ADTRP: variants seen among roughly 807,000 people sequenced by gnomAD.
ADTRP encodes androgen dependent TFPI regulating protein.
Under a neutral mutation model 27.0 loss-of-function variants are expected in ADTRP, and 20 were observed. The ratio of observed to expected loss-of-function variants is 0.74; its 90% CI spans 0.52 to 1.08. ADTRP has a LOEUF of 1.08. ADTRP is among the 50% of genes least tolerant of loss of function. The probability of loss-of-function intolerance (pLI) is 0.00; values close to 1 mark genes in which losing one functional copy is unlikely to be tolerated. For synonymous variants in ADTRP, 101 were observed against 105.2 expected, an observed-to-expected ratio of 0.96 and a Z score of 0.25; for missense variants, 251 against 275.0, an observed-to-expected ratio of 0.91 and a Z score of 0.62.
intron 3 of ADTRP, among the ~76,000 whole-genome samples, chr6:11,743,561 G>C (rs1035949651): frequency 3.3e-5 from 5 of 152,094 alleles, no homozygotes; most frequent in Non-Finnish European, 5.9e-5. Flanking sequence ...CCCTTTCTTG[G>C]CAGAACTGAA....
At chr6:11,738,496 A>G (rs1298883662) in intron 3 of ADTRP, 1 of 152,226 alleles carries the variant, frequency 6.6e-6, no homozygotes, top group African/African-American at 2.4e-5. Flanking sequence ...AGCCAGGAAG[A>G]TCCAACCTCT....
Position 11,732,195 on chromosome 6 carries a change from G to A in ADTRP, c.506+3373C>T, listed in dbSNP as rs563359977. ...TAAAAGCAACCACCACATGTAAGGC[G>A]GTCCCCACGGTCTCAGGAACTATTT... is the stretch of plus-strand genomic sequence containing the variant. On this transcript the variant is annotated intron_variant, in intron 4 of 5. Coordinates refer to ENST00000414691, the MANE Select transcript of ADTRP (RefSeq NM_032744.4). 1.1e-4 allele frequency among the ~76,000 whole-genome samples: 16 copies of A among 152,260 alleles called. No individual in the cohort carries two copies. In the South Asian group the frequency reaches 2.1e-3, roughly 20 times the overall value.
At chr6:11,735,024 C>A (rs537692381) in intron 4 of ADTRP, among the ~76,000 whole-genome samples, 1 of 75,420 alleles carries the variant, frequency 1.3e-5, no homozygotes, top group Non-Finnish European at 4.6e-5. Context: ...ATGAGTATTG[C>A]CAGGTGGTTG....
intron 3 of ADTRP, among the ~76,000 whole-genome samples, chr6:11,746,082 G>A (rs1006257607): frequency 3.3e-5 from 5 of 152,108 alleles, no homozygotes; most frequent in African/African-American, 7.2e-5. Context: ...GAGCCACCCC[G>A]CCCGTCCATG....
At chr6:11,746,266 C>G (rs1232120249) in intron 3 of ADTRP, among the ~76,000 whole-genome samples, 2 of 152,178 alleles carry the variant, frequency 1.3e-5, no homozygotes, top group Non-Finnish European at 2.9e-5. Flanking sequence ...ATGGACATCA[C>G]TGGGTTAAGT....
chr6:11,776,373 C>T (rs545700845), intron 1 of ADTRP, among the ~76,000 whole-genome samples: 2 of 152,248 alleles, frequency 1.3e-5, no homozygotes, highest in Non-Finnish European at 2.9e-5. Context: ...AGCCACTGTG[C>T]TGAATTCAAG....
At chr6:11,757,805 T>C (rs917689918) in intron 3 of ADTRP, among the ~76,000 whole-genome samples, 94 of 152,224 alleles carry the variant, frequency 6.2e-4, no homozygotes, top group Admixed American at 6.1e-3. Flanking sequence ...GAGTAGATTC[T>C]CATCTGGAGC....
intron 3 of ADTRP, among the ~76,000 whole-genome samples, chr6:11,747,525 C>T (rs1168562963): frequency 6.6e-6 from 1 of 152,146 alleles, no homozygotes; most frequent in Non-Finnish European, 1.5e-5. Context: ...TTTATTCTGC[C>T]CTCAACATAA....
At chr6:11,757,350 T>G (rs1043386675) in intron 3 of ADTRP, among the ~76,000 whole-genome samples, 1 of 152,200 alleles carries the variant, frequency 6.6e-6, no homozygotes, top group Admixed American at 6.5e-5. Context: ...GTTCAAAACC[T>G]TCTATCAATC....
In ADTRP at chr6:11,723,476, C is replaced by G; in HGVS notation, c.531G>C (p.Thr177=). The change falls in exon 5 of 6, where the codon ACG becomes ACC. Residue 177 remains threonine, a synonymous_variant. Transcript: ENST00000414691. ...ISRILWLYFE[T]GTWVYPVFAK... ...CAAACACAGGATACACCCAGGTACC[C>G]GTCTCAAAGTAGAGCCATAGGATGC... The G allele has an allele frequency of 6.2e-7, 1 of 1,614,002 alleles. No individual in the cohort carries two copies. Among genetic ancestry groups the G allele is most frequent in the African/African-American group, 1.3e-5 (1 of 74,976 alleles).
intron 3 of ADTRP, among the ~76,000 whole-genome samples, chr6:11,745,385 G>A: frequency 6.6e-6 from 1 of 152,090 alleles, no homozygotes; most frequent in South Asian, 2.1e-4. Flanking sequence ...TATAAGATAT[G>A]GTCTTTGAAC....
rs147073147 is a variant in ADTRP, at chr6:11,751,684, G to A, written c.390+14590C>T. On this transcript the variant is annotated intron_variant, in intron 3 of 5. Coordinates refer to ENST00000414691, the MANE Select transcript of ADTRP (RefSeq NM_032744.4). ...CATTGCTTTTAGTATCCAAACCTCC[G>A]TTCTGAGATCCTATTTCTTCTTTCT... Among the ~76,000 whole-genome samples the A allele has an allele frequency of 1.5e-3, 226 of 152,178 alleles. 2 individuals carry two copies. Among genetic ancestry groups the A allele is most frequent in the African/African-American group, 5.0e-3 (207 of 41,510 alleles).
rs763701713 is a variant in ADTRP, at chr6:11,717,291, A to G, written c.659-2779T>C. On this transcript the variant is annotated intron_variant, in intron 5 of 5. Transcript: ENST00000414691. ...AGTAGCAAGGGCTAGAAATATTTTT[A>G]TAGCCCTGATATTTCACCTGATATT... is the stretch of plus-strand genomic sequence containing the variant. 6.1e-6 allele frequency: 8 copies of G among 1,303,544 alleles called. No homozygotes were observed. In the South Asian group the frequency reaches 8.7e-5, roughly 14 times the overall value. The allele number at this position is 1,303,544 out of a possible 1,614,324, so 80.7% of individuals were successfully genotyped here.
chr6:11,737,887 C>T (rs1762598913), intron 3 of ADTRP, among the ~76,000 whole-genome samples: 1 of 152,224 alleles, frequency 6.6e-6, no homozygotes, highest in African/African-American at 2.4e-5. Context: ...CATATTTCTT[C>T]AGTCTGATTT....
At chr6:11,746,075 C>A (rs1270842598) in intron 3 of ADTRP, among the ~76,000 whole-genome samples, 1 of 152,168 alleles carries the variant, frequency 6.6e-6, no homozygotes, top group Non-Finnish European at 1.5e-5. Flanking sequence ...TAGGCATGAG[C>A]CACCCCGCCC....
chr6:11,753,369 G>C (rs1364041031), intron 3 of ADTRP, among the ~76,000 whole-genome samples: 2 of 152,078 alleles, frequency 1.3e-5, no homozygotes, highest in African/African-American at 2.4e-5. Context: ...AAGATGATTA[G>C]GTTATATGCA....
chr6:11,744,376 A>G (rs1762804104), intron 3 of ADTRP, among the ~76,000 whole-genome samples: 1 of 152,204 alleles, frequency 6.6e-6, no homozygotes, highest in Non-Finnish European at 1.5e-5. Context: ...ATGGACTAAC[A>G]TGGGGGCTAC....
intron 1 of ADTRP, among the ~76,000 whole-genome samples, chr6:11,772,358 G>A (rs1248723686): frequency 3.9e-5 from 6 of 152,166 alleles, no homozygotes; most frequent in Non-Finnish European, 8.8e-5. Context: ...GCAGTTAAAG[G>A]ATATTTAGTT....
Position 11,735,615 on chromosome 6 carries a change from C to A in ADTRP, c.459G>T (p.Lys153Asn). The change falls in exon 4 of 6, where the codon AAG becomes AAT. Residue 153 changes from lysine (K) to asparagine (N), a missense_variant. Lys to Asn is a moderately conservative substitution (Grantham distance 94, BLOSUM62 0). Transcript: ENST00000414691. ...VLRPHSYPSK[K>N]TGLTLLAAAS... Reference sequence around the variant, plus strand: ...CAGCAGCCAGCAAGGTGAGTCCTGTCTTCTTTGATGGATAGGAGTGAGGCC... The same window carrying A: ...CAGCAGCCAGCAAGGTGAGTCCTGTATTCTTTGATGGATAGGAGTGAGGCC... The A allele has an allele frequency of 6.2e-7, 1 of 1,614,104 alleles. No homozygotes were observed. The highest frequency in any genetic ancestry group is 8.5e-7 in the Non-Finnish European group (1 of 1,179,992).
Sources: allele counts gnomAD v4.1 joint callset (sites outside exome capture counted in the v4.1 genomes callset), GRCh38; gene constraint gnomAD v4.1.1; transcripts MANE v1.5; gene names NCBI Gene and HGNC (gene_info 2026-07-23, HGNC 2026-07-21).